The following SEC16B variants were observed in gnomAD, a reference collection of about 807,000 sequenced individuals.
SEC16B encodes protein transport protein Sec16B.
In SEC16B, 115 loss-of-function variants were observed where a neutral mutation model predicts 141.8. The observed-to-expected ratio is 0.81, with a 90% CI of 0.70 to 0.95. The LOEUF is 0.95. SEC16B is among the 40% of genes least tolerant of loss of function. The pLI is 0.00. For missense variants in SEC16B, 1,291 were observed against 1,312.3 expected (o/e 0.98, Z 0.25); for synonymous variants, 493 against 492.5 (o/e 1.00, Z -0.01).
rs2101890645 is a variant in SEC16B at position 177,929,488 on chromosome 1, A to T, written c.*370T>A. 8.3e-6 allele frequency: 2 copies of T among 241,362 alleles called. No individual in the cohort carries two copies. The highest frequency in any genetic ancestry group is 1.0e-4 in the Admixed American group (2 of 19,762). The allele number at this position is 241,362 out of a possible 1,614,324, so 15.0% of individuals were successfully genotyped here. A position where few individuals can be genotyped will look rare whatever the true frequency, so the allele number is the denominator to read the frequency against. ...GCCCCTGCCCCTCCCCCTGCTTCCC[A>T]TTTCTTGCTACAGGGCCCTGCGGTA... On this transcript the variant is annotated 3_prime_UTR_variant, in exon 26 of 26. Coordinates refer to ENST00000308284, the MANE Select transcript of SEC16B (RefSeq NM_033127.4).
intron 12 of SEC16B, among the ~76,000 whole-genome samples, chr1:177,949,244 C>CTA (rs1651975410): frequency 6.6e-6 from 1 of 152,082 alleles, no homozygotes; most frequent in African/African-American, 2.4e-5. Context: ...GAACCATGAA[C>CTA]TATATCCTGT....
chr1:177,940,503 G>T, intron 17 of SEC16B, 107 bp downstream of exon 17: 1 of 734,706 alleles, frequency 1.4e-6, no homozygotes, highest in East Asian at 2.8e-5. Context: ...GTGAGGCATG[G>T]GGACCAGGGA....
rs61816284 is a variant in SEC16B, at chr1:177,960,632, T to C, written c.936+159A>G. On this transcript the variant is annotated intron_variant, in intron 7 of 25. Coordinates refer to ENST00000308284, the MANE Select transcript of SEC16B (RefSeq NM_033127.4). ...TTCAGAGAAGAGCCCCACCCATTCC[T>C]GCACCCTCCTAATCCAGGGGGTACA... 0.051 allele frequency: 40,138 copies of C among 794,468 alleles called. 1,143 individuals carry two copies. Among genetic ancestry groups the C allele is most frequent in the East Asian group, 0.059 (2,217 of 37,310 alleles). 49.2% of individuals were successfully genotyped at this position (794,468 alleles called of 1,614,324 possible). A position where few individuals can be genotyped will look rare whatever the true frequency, so the allele number is the denominator to read the frequency against.
At position 177,961,636 on chromosome 1, in the gene SEC16B, C is replaced by T. The variant is rs1350621075; in HGVS notation, c.741G>A (p.Glu247=). ...CTGCTGAAGCTGGGGGATCATCCCG[C>T]TCCGGGGCATCTCTGATGTACTGAC... ...ELSQYIRDAP[E]RDDPPASAAW... Residue 247 remains glutamate, a synonymous_variant, in exon 6 of 26, where the codon GAG becomes GAA. Coordinates refer to ENST00000308284, the MANE Select transcript of SEC16B (RefSeq NM_033127.4). 3 of 1,613,966 alleles carry T rather than the reference C, an allele frequency of 1.9e-6. No homozygotes were observed. The highest frequency in any genetic ancestry group is 2.2e-5 in the South Asian group (2 of 91,058).
rs796164709 is a variant in SEC16B, at chr1:177,933,995, CA to C, written c.2572-360del. Among the ~76,000 whole-genome samples the C allele has an allele frequency of 8.3e-4, 120 of 144,540 alleles. 1 individual carries two copies. Among genetic ancestry groups the C allele is most frequent in the Middle Eastern group, 6.9e-3 (2 of 288 alleles). 94.8% of individuals were successfully genotyped at this position (144,540 alleles called of 152,430 possible). A position where few individuals can be genotyped will look rare whatever the true frequency, so the allele number is the denominator to read the frequency against. On this transcript the variant is annotated intron_variant, in intron 20 of 25. Coordinates refer to ENST00000308284, the MANE Select transcript of SEC16B (RefSeq NM_033127.4). ...CCCACAGAGGCCCACAAGCTCCCCCCAAAAAAAAAAAAACAGAGAATGTAGC... is the reference window on the plus strand; with the variant it reads ...CCCACAGAGGCCCACAAGCTCCCCCCAAAAAAAAAAAACAGAGAATGTAGC...
chr1:177,965,797 G>A (rs1653469078), intron 3 of SEC16B, 96 bp downstream of exon 3: 4 of 672,732 alleles, frequency 5.9e-6, no homozygotes, highest in Non-Finnish European at 7.6e-6. Context: ...TGCCCAAGGT[G>A]AGGGTCTGAA....
At chr1:177,972,415 A>G (rs1571358354), upstream of SEC16B, among the ~76,000 whole-genome samples, 1 of 152,178 alleles carries the variant, frequency 6.6e-6, no homozygotes, top group Admixed American at 6.5e-5. Flanking sequence ...GTTTGACAAT[A>G]CATTAGGAGC....
chr1:177,939,393 G>C (rs1651107817), intron 18 of SEC16B, among the ~76,000 whole-genome samples: 1 of 152,226 alleles, frequency 6.6e-6, no homozygotes. Context: ...AATGTATCCA[G>C]CTGGAGAGAA....
intron 5 of SEC16B, among the ~76,000 whole-genome samples, chr1:177,962,600 G>C (rs1290716436): frequency 6.6e-6 from 1 of 151,744 alleles, no homozygotes; most frequent in African/African-American, 2.4e-5. Flanking sequence ...AAAAAATTTA[G>C]CTGGGCATGG....
chr1:177,967,390 A>G (rs12137761), intron 2 of SEC16B, among the ~76,000 whole-genome samples: 20,277 of 152,060 alleles, frequency 0.13, 1,451 homozygotes, highest in Middle Eastern at 0.18. Context: ...GCTGTCTTGA[A>G]TTTCACCACT....
intron 11 of SEC16B, among the ~76,000 whole-genome samples, chr1:177,952,436 C>A (rs1053657499): frequency 6.6e-6 from 1 of 152,156 alleles, no homozygotes; most frequent in Admixed American, 6.5e-5. Context: ...GCACTCAGTG[C>A]CGTTTTTCTG....
chr1:177,960,085 C>G (rs894320986), intron 8 of SEC16B: 6 of 478,150 alleles, frequency 1.3e-5, no homozygotes, highest in East Asian at 3.4e-5. Flanking sequence ...AACCATGCAG[C>G]CTCTGCATAA....
chr1:177,935,237 G>A (rs757229474), intron 20 of SEC16B, among the ~76,000 whole-genome samples: 14 of 152,234 alleles, frequency 9.2e-5, no homozygotes, highest in South Asian at 4.1e-4. Flanking sequence ...AGACTTGAGC[G>A]CCTGAGGTTA....
Position 177,954,461 on chromosome 1 carries a change from G to A in SEC16B, c.1366-85C>T, listed in dbSNP as rs556871819. On this transcript the variant is annotated intron_variant, in intron 10 of 25. Coordinates refer to ENST00000308284, the MANE Select transcript of SEC16B (RefSeq NM_033127.4). ...GTGCTTAGGTGCTGCTGCATCCTGA[G>A]CAGCAGAGGCTAGGCTTCCAGAAAA... 8.3e-4 allele frequency: 918 copies of A among 1,109,542 alleles called. 1 individual carries two copies. The highest frequency in any genetic ancestry group is 1.2e-3 in the Non-Finnish European group (869 of 751,388). The allele number at this position is 1,109,542 out of a possible 1,614,324, so 68.7% of individuals were successfully genotyped here.
chr1:177,947,886 C>T lies in SEC16B; in HGVS notation c.1602G>A (p.Ser534=), dbSNP rs955201052. 25 of 1,560,686 alleles carry T rather than the reference C, an allele frequency of 1.6e-5. No individual in the cohort carries two copies. The highest frequency in any genetic ancestry group is 4.1e-5 in the African/African-American group (3 of 73,278). ...ACAGCTCTGGGTCCCCAGCCTGATT[C>T]GACAGAATCACAGCCAAGTGAGGCC... ...DWRPHLAVIL[S]NQAGDPELYQ... is the part of the protein sequence containing the mutation. Residue 534 remains serine (S), a synonymous_variant, in exon 13 of 26, where the codon TCG becomes TCA. Transcript: ENST00000308284.
chr1:177,940,589 C>T (rs1384392772), intron 17 of SEC16B, 21 bp downstream of exon 17: 4 of 1,575,210 alleles, frequency 2.5e-6, no homozygotes, highest in Non-Finnish European at 3.5e-6. Context: ...CCCCCAACGC[C>T]CTGGCTCCAA....
At chr1:177,974,889 G>A (rs1167202840), upstream of SEC16B, among the ~76,000 whole-genome samples, 1 of 152,120 alleles carries the variant, frequency 6.6e-6, no homozygotes, top group Non-Finnish European at 1.5e-5. Flanking sequence ...GCATCACATG[G>A]GATCCAGAGC....
chr1:177,958,173 C>T lies in SEC16B; in HGVS notation c.1324G>A (p.Val442Met), dbSNP rs573548566. ...PPSVETPAQI[V>M]EKFTRLLYYG... ...TAGAGCAGCCTAGTGAATTTCTCCACGATCTGCGCAGGTGTCTCCACACTG... is the reference window on the plus strand; with the variant it reads ...TAGAGCAGCCTAGTGAATTTCTCCATGATCTGCGCAGGTGTCTCCACACTG... The change falls in exon 10 of 26, where the codon GTG (valine) becomes ATG (methionine). Residue 442 changes from valine (V) to methionine (M), a missense_variant. Val to Met is a conservative substitution (Grantham distance 21). Around this residue, in one of 3 missense-constraint regions of SEC16B, gnomAD observed 681 missense variants for 675.5 expected, o/e 1.01. Transcript: ENST00000308284. 5.9e-5 allele frequency: 92 copies of T among 1,562,916 alleles called. No individual in the cohort carries two copies. In the South Asian group the frequency reaches 8.8e-4, roughly 15 times the overall value.
At chr1:177,970,437 AC>A (rs1251855071), upstream of SEC16B, among the ~76,000 whole-genome samples, 5 of 152,248 alleles carry the variant, frequency 3.3e-5, no homozygotes, top group Admixed American at 6.5e-5. Context: ...GTAAAGCAGC[AC>A]ATGATATATA....
Sources: allele counts gnomAD v4.1 joint callset (sites outside exome capture counted in the v4.1 genomes callset), GRCh38; gene constraint gnomAD v4.1.1; regional missense constraint gnomAD v4.1.1; transcripts MANE v1.5; gene names NCBI Gene and HGNC (gene_info 2026-07-23, HGNC 2026-07-21).